The following SMAP1 variants were observed in gnomAD, a reference collection of about 807,000 sequenced individuals.
SMAP1 encodes the protein stromal membrane-associated protein 1.
In SMAP1, 24 loss-of-function variants were observed where a neutral mutation model predicts 58.5. The observed-to-expected ratio is 0.41, with a 90% CI of 0.30 to 0.58. The LOEUF (loss-of-function observed/expected upper bound fraction) is 0.58. SMAP1 is among the 20% of genes least tolerant of loss of function. SMAP1 has a pLI of 0.29. For synonymous variants in SMAP1, 216 were observed against 196.6 expected (o/e 1.10, Z -0.82); for missense variants, 563 against 566.3 (o/e 0.99, Z 0.06).
chr6:70,777,200 T>C (rs947090648), intron 4 of SMAP1, among the ~76,000 whole-genome samples: 17 of 152,184 alleles, frequency 1.1e-4, no homozygotes, highest in Non-Finnish European at 2.1e-4. Flanking sequence ...TATCTTATTG[T>C]GGTTTTGATT....
At chr6:70,680,993 C>A (rs771070147) in intron 1 of SMAP1, among the ~76,000 whole-genome samples, 1 of 151,798 alleles carries the variant, frequency 6.6e-6, no homozygotes, top group Admixed American at 6.6e-5. Context: ...GCTGGGATTA[C>A]GGTTGTGAGC....
chr6:70,731,922 A>G (rs1765446371), intron 1 of SMAP1, among the ~76,000 whole-genome samples: 1 of 152,134 alleles, frequency 6.6e-6, no homozygotes, highest in African/African-American at 2.4e-5. Context: ...TTATTCATTC[A>G]TATCTTTTTG....
Position 70,837,429 on chromosome 6 carries a change from G to A in SMAP1, c.664+401G>A, listed in dbSNP as rs569895036. 2.0e-4 allele frequency among the ~76,000 whole-genome samples: 31 copies of A among 152,012 alleles called. 1 individual carries two copies. In the South Asian group the frequency reaches 5.0e-3, roughly 24 times the overall value. On this transcript the variant is annotated intron_variant, in intron 7 of 10. Transcript: ENST00000370455. ...CTAGGGTAGCCTTATTGTAAAATAC[G>A]TTGGTTTAAAATAAAATTTAATTTT... is the stretch of plus-strand genomic sequence containing the variant.
At chr6:70,737,710 T>A (rs1582088974) in intron 2 of SMAP1, among the ~76,000 whole-genome samples, 1 of 152,224 alleles carries the variant, frequency 6.6e-6, no homozygotes, top group South Asian at 2.1e-4. Flanking sequence ...GATTTTTTAA[T>A]GGCATGCTGA....
chr6:70,811,397 C>T (rs1185173486), intron 6 of SMAP1, among the ~76,000 whole-genome samples: 1 of 152,124 alleles, frequency 6.6e-6, no homozygotes, highest in African/African-American at 2.4e-5. Flanking sequence ...TCACTTCTCA[C>T]TTGAGAATTG....
chr6:70,839,912 A>C (rs532311771), intron 7 of SMAP1, among the ~76,000 whole-genome samples: 2 of 152,342 alleles, frequency 1.3e-5, no homozygotes, highest in East Asian at 3.9e-4. Flanking sequence ...CTTTCAGCTC[A>C]AAACAAACAG....
chr6:70,859,387 T>A (rs576516), intron 10 of SMAP1: 3 of 1,548,314 alleles, frequency 1.9e-6, no homozygotes, highest in African/African-American at 1.4e-5. Flanking sequence ...TACTGGCCAA[T>A]GACAAGGTGG....
chr6:70,706,217 C>A (rs1156681749), intron 1 of SMAP1, among the ~76,000 whole-genome samples: 1 of 152,046 alleles, frequency 6.6e-6, no homozygotes, highest in Non-Finnish European at 1.5e-5. Flanking sequence ...TTTAGAGAAA[C>A]ATTTATTATT....
At chr6:70,672,470 G>A (rs1035453331) in intron 1 of SMAP1, among the ~76,000 whole-genome samples, 9 of 152,132 alleles carry the variant, frequency 5.9e-5, no homozygotes, top group African/African-American at 1.9e-4. Flanking sequence ...TTAGGCTTCC[G>A]TTTATACATA....
chr6:70,745,286 A>T (rs200467537), intron 2 of SMAP1, among the ~76,000 whole-genome samples: 1 of 152,176 alleles, frequency 6.6e-6, no homozygotes, highest in East Asian at 1.9e-4. Context: ...ACGTTTTCTT[A>T]TAGGGTTTTT....
chr6:70,771,931 C>T (rs886581834), intron 3 of SMAP1, among the ~76,000 whole-genome samples: 2 of 152,212 alleles, frequency 1.3e-5, no homozygotes, highest in African/African-American at 4.8e-5. Context: ...AACCTGCTTA[C>T]TCCAGGTTAG....
At position 70,735,795 on chromosome 6, in the gene SMAP1, T is replaced by C. The variant is rs143419085; in HGVS notation, c.252+3284T>C. On this transcript the variant is annotated intron_variant, in intron 2 of 10. Transcript: ENST00000370455. ...AAAAGAAGTACTTGGGAGGTATTTATTTATGGAACTAAGAGAAATACTTTT... is the reference window on the plus strand; with the variant it reads ...AAAAGAAGTACTTGGGAGGTATTTACTTATGGAACTAAGAGAAATACTTTT... Among the ~76,000 whole-genome samples, 1,021 of 152,300 alleles carry C rather than the reference T, an allele frequency of 6.7e-3. 9 individuals carry two copies. Among genetic ancestry groups the C allele is most frequent in the African/African-American group, 0.023 (943 of 41,568 alleles).
At chr6:70,798,282 T>C (rs1355106538) in intron 5 of SMAP1, among the ~76,000 whole-genome samples, 2 of 151,812 alleles carry the variant, frequency 1.3e-5, no homozygotes, top group Non-Finnish European at 1.5e-5. Context: ...TTTTTTTTTT[T>C]CCATTCAAAA....
intron 6 of SMAP1, among the ~76,000 whole-genome samples, chr6:70,834,969 G>T (rs747719781): frequency 2.5e-4 from 38 of 152,028 alleles, no homozygotes; most frequent in Non-Finnish European, 4.7e-4. Flanking sequence ...AAAGAATTGG[G>T]CCGGGCGCAG....
intron 6 of SMAP1, among the ~76,000 whole-genome samples, chr6:70,807,433 ATTTCGTT>A (rs1172484195): frequency 1.8e-4 from 28 of 152,270 alleles, no homozygotes; most frequent in African/African-American, 4.6e-4. Flanking sequence ...TTGTGTGTAA[ATTTCGTT>A]TTTTCTAAAA....
At chr6:70,803,953 T>C (rs1321632340) in intron 6 of SMAP1, among the ~76,000 whole-genome samples, 1 of 152,178 alleles carries the variant, frequency 6.6e-6, no homozygotes, top group African/African-American at 2.4e-5. Context: ...CTGAGAAGAA[T>C]GTATATTCTG....
chr6:70,693,322 TA>T (rs1554190250), intron 1 of SMAP1, among the ~76,000 whole-genome samples: 1 of 115,310 alleles, frequency 8.7e-6, no homozygotes, highest in African/African-American at 3.6e-5. Flanking sequence ...TTTTTTTTTT[TA>T]AGACAGAGTC....
In SMAP1 at chr6:70,798,646, C is replaced by T; in HGVS notation, c.496-11C>T. The T allele has an allele frequency of 6.7e-7, 1 of 1,483,252 alleles. No individual in the cohort carries two copies. The highest frequency in any genetic ancestry group is 8.9e-7 in the Non-Finnish European group (1 of 1,118,214). The allele number at this position is 1,483,252 out of a possible 1,614,324, so 91.9% of individuals were successfully genotyped here. On this transcript the variant is annotated splice_polypyrimidine_tract_variant and intron_variant, in intron 5 of 10. Coordinates refer to ENST00000370455, the MANE Select transcript of SMAP1 (RefSeq NM_001044305.3). ...AAAGTAAACTTATCAAAACTTTGGG[C>T]TGTGTTTTAGAAAGAAAAGGAAAAA...
chr6:70,714,797 G>A (rs1398317460), intron 1 of SMAP1, among the ~76,000 whole-genome samples: 1 of 152,210 alleles, frequency 6.6e-6, no homozygotes, highest in Middle Eastern at 3.4e-3. Flanking sequence ...AGGAATAGTG[G>A]ATAAAGTACC....
Sources: allele counts gnomAD v4.1 joint callset (sites outside exome capture counted in the v4.1 genomes callset), GRCh38; gene constraint gnomAD v4.1.1; transcripts MANE v1.5; gene names NCBI Gene and HGNC (gene_info 2026-07-23, HGNC 2026-07-21).